The following LRRC37A variants were observed in gnomAD, a reference collection of about 807,000 sequenced individuals.
LRRC37A encodes leucine rich repeat containing 37A.
A neutral mutation model predicts 35.4 loss-of-function variants in LRRC37A; 3 were observed. The observed-to-expected ratio is 0.08, with a 90% confidence interval of 0.04 to 0.22. LRRC37A has a LOEUF of 0.22. Ranked by LOEUF, LRRC37A falls within the 10% of genes least tolerant of loss-of-function variation. LRRC37A has a pLI of 1.00. For missense variants in LRRC37A, 67 were observed against 565.3 expected (o/e 0.12, Z 8.94); for synonymous variants, 23 against 215.0 (o/e 0.11, Z 7.81).
chr17:46,273,895 C>T, the LRRC37A span, among the ~76,000 whole-genome samples: 1 of 152,238 alleles, frequency 6.6e-6, no homozygotes, highest in Non-Finnish European at 1.5e-5. Context: ...ATATAAGTAG[C>T]TGTCTGTAAT....
the LRRC37A span, among the ~76,000 whole-genome samples, chr17:46,280,498 G>C: frequency 6.6e-6 from 1 of 151,546 alleles, no homozygotes; most frequent in South Asian, 2.1e-4. Flanking sequence ...CATATAGCAA[G>C]ACCCTGTCCC....
At chr17:46,255,363 C>CT in the LRRC37A span, among the ~76,000 whole-genome samples, 16,357 of 127,354 alleles carry the variant, frequency 0.13, 178 homozygotes, top group Non-Finnish European at 0.19. Flanking sequence ...TCCCCAAATT[C>CT]TTTTTTTTTT....
chr17:46,309,012 C>T lies in LRRC37A; in HGVS notation c.2906+2703C>T, dbSNP rs1430713941. ...TTCCAATAGTTACAACCCAGTAAAT[C>T]TCTTGAATGAAGCCTCTATGTTATT... On this transcript the variant is annotated intron_variant, in intron 5 of 13. Transcript: ENST00000320254. 5.3e-5 allele frequency among the ~76,000 whole-genome samples: 4 copies of T among 74,924 alleles called. 1 individual carries two copies. The highest frequency in any genetic ancestry group is 1.4e-4 in the African/African-American group (4 of 29,162). The allele number at this position is 74,924 out of a possible 152,430, so 49.2% of individuals were successfully genotyped here. A position where few individuals can be genotyped will look rare whatever the true frequency, so the allele number is the denominator to read the frequency against.
the LRRC37A span, among the ~76,000 whole-genome samples, chr17:46,248,100 G>A: frequency 0.076 from 10,124 of 132,748 alleles, 1 homozygote; most frequent in Middle Eastern, 0.13. Context: ...TGGGAACAAC[G>A]CAAGTCCCAC....
the LRRC37A span, among the ~76,000 whole-genome samples, chr17:46,249,059 C>T: frequency 2.6e-5 from 4 of 152,044 alleles, no homozygotes; most frequent in East Asian, 5.8e-4. Context: ...TTAAAGTATA[C>T]CTGAGGCTAT....
chr17:46,285,565 A>T, the LRRC37A span, among the ~76,000 whole-genome samples: 23 of 152,316 alleles, frequency 1.5e-4, no homozygotes, highest in African/African-American at 5.5e-4. Flanking sequence ...CATAAGGAAA[A>T]TAATAACTAT....
At chr17:46,264,872 C>T in the LRRC37A span, among the ~76,000 whole-genome samples, 4 of 152,360 alleles carry the variant, frequency 2.6e-5, no homozygotes, top group South Asian at 6.2e-4. Flanking sequence ...ACACCCCCAG[C>T]AGGATGTGGG....
chr17:46,330,664 G>A lies in LRRC37A; in HGVS notation c.3387G>A (p.Ala1129=), dbSNP rs1183465067. 5 of 281,568 alleles carry A rather than the reference G, an allele frequency of 1.8e-5. 2 individuals carry two copies. The highest frequency in any genetic ancestry group is 1.3e-4 in the South Asian group (3 of 22,466). The allele number at this position is 281,568 out of a possible 1,614,324, so 17.4% of individuals were successfully genotyped here. A position where few individuals can be genotyped will look rare whatever the true frequency, so the allele number is the denominator to read the frequency against. Reference sequence around the variant, plus strand: ...GTTACATCTTGCCTTATTTCTCAGCGGTAAACCTAGATGTGAAATCACTGT... The same window carrying A: ...GTTACATCTTGCCTTATTTCTCAGCAGTAAACCTAGATGTGAAATCACTGT... Residue 1129 remains alanine (A), a synonymous_variant, in exon 9 of 14, where the codon GCG becomes GCA. Coordinates refer to ENST00000320254, the Ensembl canonical transcript of LRRC37A.
upstream of LRRC37A, among the ~76,000 whole-genome samples, chr17:46,291,115 T>C (rs2143458889): frequency 6.6e-6 from 1 of 152,374 alleles, no homozygotes; most frequent in East Asian, 1.9e-4. Flanking sequence ...AGCCCTTCTC[T>C]ATTTATAGAG....
upstream of LRRC37A, among the ~76,000 whole-genome samples, chr17:46,292,016 T>A (rs1352241941): frequency 8.0e-6 from 1 of 125,718 alleles, no homozygotes; most frequent in Non-Finnish European, 1.7e-5. Context: ...CTAATCTGAA[T>A]TCACTCCAAA....
At chr17:46,266,900 T>G in the LRRC37A span, 428 of 310,758 alleles carry the variant, frequency 1.4e-3, 2 homozygotes, top group Middle Eastern at 4.3e-3. Context: ...ACGCGCGCGC[T>G]CACGGGCCCT....
At chr17:46,290,427 C>A (rs565990122), upstream of LRRC37A, among the ~76,000 whole-genome samples, 1 of 152,262 alleles carries the variant, frequency 6.6e-6, no homozygotes, top group South Asian at 2.1e-4. Flanking sequence ...ACTCTCTTGG[C>A]CTATAAATGA....
the LRRC37A span, among the ~76,000 whole-genome samples, chr17:46,257,027 C>T: frequency 7.2e-5 from 11 of 152,192 alleles, no homozygotes; most frequent in South Asian, 2.1e-4. Context: ...CAGAAGCTAG[C>T]GGTTTTGGCA....
upstream of LRRC37A, among the ~76,000 whole-genome samples, chr17:46,291,817 A>G (rs544862498): frequency 6.6e-6 from 1 of 151,914 alleles, no homozygotes; most frequent in Admixed American, 6.6e-5. Flanking sequence ...TTAGCCAGAG[A>G]TGGTGGCATG....
At chr17:46,263,417 G>T in the LRRC37A span, among the ~76,000 whole-genome samples, 1 of 151,952 alleles carries the variant, frequency 6.6e-6, no homozygotes, top group African/African-American at 2.4e-5. Flanking sequence ...CAGGCATGGT[G>T]GTGTGTGCCT....
chr17:46,254,331 A>G, the LRRC37A span, among the ~76,000 whole-genome samples: 1 of 152,142 alleles, frequency 6.6e-6, no homozygotes, highest in Admixed American at 6.6e-5. Flanking sequence ...AAAGGAAGAA[A>G]TGTGTAGATC....
At chr17:46,250,761 A>T in the LRRC37A span, among the ~76,000 whole-genome samples, 2 of 152,188 alleles carry the variant, frequency 1.3e-5, no homozygotes, top group African/African-American at 4.8e-5. Context: ...ACGCTCAGTG[A>T]CTCACACCTG....
At chr17:46,284,799 T>A in the LRRC37A span, among the ~76,000 whole-genome samples, 1 of 152,384 alleles carries the variant, frequency 6.6e-6, no homozygotes, top group South Asian at 2.1e-4. Context: ...GATTCCCTTT[T>A]TAGTTTCTTC....
At chr17:46,264,497 C>T in the LRRC37A span, among the ~76,000 whole-genome samples, 1 of 152,214 alleles carries the variant, frequency 6.6e-6, no homozygotes, top group Non-Finnish European at 1.5e-5. Flanking sequence ...GTTTATATTA[C>T]CAAGCAACCT....
Sources: gnomAD v4.1 joint callset for allele counts (sites outside exome capture counted in the v4.1 genomes callset) on GRCh38, gnomAD v4.1.1 for gene constraint, MANE v1.5 for transcripts, NCBI Gene and HGNC (gene_info 2026-07-23, HGNC 2026-07-21) for gene names.